The following GTF2F2 variants were observed in gnomAD, a reference collection of about 807,000 sequenced individuals.
The protein encoded by GTF2F2 is general transcription factor IIF subunit 2.
A neutral mutation model predicts 42.2 loss-of-function variants in GTF2F2; 23 were observed. The observed-to-expected ratio is 0.55, with a 90% CI of 0.39 to 0.77. The LOEUF is 0.77. Among genes scored for constraint, GTF2F2 ranks in the 30% least tolerant of loss-of-function variants. The probability of loss-of-function intolerance (pLI) is 0.00; values close to 1 mark genes in which losing one functional copy is unlikely to be tolerated. For missense variants in GTF2F2, 261 were observed against 287.2 expected (o/e 0.91, Z 0.66); for synonymous variants, 105 against 100.8 (o/e 1.04, Z -0.25).
chr13:45,272,988 G>A (rs182615865), intron 7 of GTF2F2, among the ~76,000 whole-genome samples: 3,949 of 141,754 alleles, frequency 0.028, 174 homozygotes, highest in African/African-American at 0.093. Context: ...GTGCAGTGGC[G>A]CAATCTCGGC....
At chr13:45,215,499 C>T (rs1309364054) in intron 5 of GTF2F2, among the ~76,000 whole-genome samples, 1 of 152,202 alleles carries the variant, frequency 6.6e-6, no homozygotes, top group African/African-American at 2.4e-5. Flanking sequence ...ATGGCTCATG[C>T]CAGTAATCCC....
At chr13:45,229,351 C>T (rs1174133871) in intron 5 of GTF2F2, among the ~76,000 whole-genome samples, 1 of 152,070 alleles carries the variant, frequency 6.6e-6, no homozygotes, top group Non-Finnish European at 1.5e-5. Context: ...CCTAGCAAGG[C>T]CATCACCTCC....
At chr13:45,140,834 C>G (rs1869894211) in intron 2 of GTF2F2, among the ~76,000 whole-genome samples, 1 of 152,122 alleles carries the variant, frequency 6.6e-6, no homozygotes, top group South Asian at 2.1e-4. Context: ...GAAAGGCAGG[C>G]TAAAGGAGAG....
At chr13:45,231,667 T>C (rs1400757213) in intron 5 of GTF2F2, among the ~76,000 whole-genome samples, 1 of 152,134 alleles carries the variant, frequency 6.6e-6, no homozygotes. Flanking sequence ...GGGTGACTAC[T>C]CTTTCTCTCA....
chr13:45,210,289 ACC>A (rs995687502), intron 5 of GTF2F2, among the ~76,000 whole-genome samples: 1 of 151,820 alleles, frequency 6.6e-6, no homozygotes, highest in Admixed American at 6.6e-5. Context: ...CTCCAACCAC[ACC>A]TGTCTCCTAA....
chr13:45,268,354 T>A (rs2138265720), intron 7 of GTF2F2, among the ~76,000 whole-genome samples: 1 of 152,282 alleles, frequency 6.6e-6, no homozygotes, highest in Admixed American at 6.5e-5. Context: ...TGATTTTTTT[T>A]ATTTATACAA....
chr13:45,172,229 T>G (rs1467273184), intron 4 of GTF2F2, among the ~76,000 whole-genome samples: 4 of 152,184 alleles, frequency 2.6e-5, no homozygotes, highest in African/African-American at 9.7e-5. Context: ...GCAGTGGCAT[T>G]TCATTGTGAT....
chr13:45,191,255 A>ATATATATATATATATATGGC (rs1260872563), intron 4 of GTF2F2, among the ~76,000 whole-genome samples: 22 of 136,520 alleles, frequency 1.6e-4, no homozygotes, highest in African/African-American at 5.3e-4. Context: ...ATATATATAT[A>ATATATATATATATATATGGC]GCCATAATCT....
chr13:45,158,625 G>T (rs1870883802), intron 4 of GTF2F2, among the ~76,000 whole-genome samples: 1 of 152,098 alleles, frequency 6.6e-6, no homozygotes, highest in African/African-American at 2.4e-5. Flanking sequence ...GTCATAATCA[G>T]CCTTCTCTTT....
At chr13:45,223,400 A>T (rs547271327) in intron 5 of GTF2F2, among the ~76,000 whole-genome samples, 1 of 152,290 alleles carries the variant, frequency 6.6e-6, no homozygotes, top group East Asian at 1.9e-4. Context: ...ATTAATTTAT[A>T]AATCTGTTGT....
rs970868079 is a variant in GTF2F2, at chr13:45,182,106, C to T, written c.305-25318C>T. Among the ~76,000 whole-genome samples the T allele has an allele frequency of 3.9e-5, 6 of 152,040 alleles. 1 individual carries two copies. Among genetic ancestry groups the T allele is most frequent in the African/African-American group, 1.5e-4 (6 of 41,338 alleles). ...TAAGAATTTGACCATGTCTCTCTTCCAGCTTCCACCAGTTTAGTTTTTTAG... is the reference window on the plus strand; with the variant it reads ...TAAGAATTTGACCATGTCTCTCTTCTAGCTTCCACCAGTTTAGTTTTTTAG... On this transcript the variant is annotated intron_variant, in intron 4 of 7. Coordinates refer to ENST00000340473, the MANE Select transcript of GTF2F2 (RefSeq NM_004128.3).
chr13:45,177,162 T>C (rs1276669106), intron 4 of GTF2F2, among the ~76,000 whole-genome samples: 1 of 151,740 alleles, frequency 6.6e-6, no homozygotes, highest in Non-Finnish European at 1.5e-5. Flanking sequence ...GAGAATGATG[T>C]ATTTTTTTTT....
At chr13:45,185,585 A>T (rs1276580680) in intron 4 of GTF2F2, among the ~76,000 whole-genome samples, 1 of 152,202 alleles carries the variant, frequency 6.6e-6, no homozygotes, top group Admixed American at 6.5e-5. Context: ...ACAATGTATT[A>T]TATACTTTTA....
At chr13:45,196,155 T>C (rs1872880385) in intron 4 of GTF2F2, among the ~76,000 whole-genome samples, 1 of 152,230 alleles carries the variant, frequency 6.6e-6, no homozygotes. Flanking sequence ...ATTTATGTAT[T>C]ATTGAGATCA....
At chr13:45,191,791 G>A (rs1872668773) in intron 4 of GTF2F2, among the ~76,000 whole-genome samples, 1 of 152,070 alleles carries the variant, frequency 6.6e-6, no homozygotes, top group Non-Finnish European at 1.5e-5. Flanking sequence ...CCAGATACAA[G>A]TTCTAAAAGA....
chr13:45,198,457 T>G (rs1873011985), intron 4 of GTF2F2, among the ~76,000 whole-genome samples: 1 of 152,172 alleles, frequency 6.6e-6, no homozygotes, highest in South Asian at 2.1e-4. Flanking sequence ...TCTATAAAAT[T>G]CAGACACTCT....
At chr13:45,192,128 C>T (rs556022819) in intron 4 of GTF2F2, among the ~76,000 whole-genome samples, 144 of 152,142 alleles carry the variant, frequency 9.5e-4, no homozygotes, top group African/African-American at 3.0e-3. Flanking sequence ...ATAAATTTTA[C>T]AATTCTTTTC....
chr13:45,137,350 CCATT>C, intron 2 of GTF2F2, among the ~76,000 whole-genome samples: 1 of 152,328 alleles, frequency 6.6e-6, no homozygotes, highest in Non-Finnish European at 1.5e-5. Flanking sequence ...TTCTTTCTAT[CCATT>C]CATTCTTAAC....
At chr13:45,266,092 A>G (rs1485338444) in intron 6 of GTF2F2, among the ~76,000 whole-genome samples, 2 of 152,194 alleles carry the variant, frequency 1.3e-5, no homozygotes, top group Non-Finnish European at 2.9e-5. Context: ...AGTAGGAGGG[A>G]ACTTCTTCAT....
Sources: gnomAD v4.1 joint callset for allele counts (sites outside exome capture counted in the v4.1 genomes callset) on GRCh38, gnomAD v4.1.1 for gene constraint, MANE v1.5 for transcripts, NCBI Gene and HGNC (gene_info 2026-07-23, HGNC 2026-07-21) for gene names.